CAPZB: variants seen among roughly 807,000 people sequenced by gnomAD.
The protein encoded by CAPZB is capping actin protein of muscle Z-line subunit beta.
In CAPZB, 2 loss-of-function variants were observed where a neutral mutation model predicts 38.1. That is an observed-to-expected ratio of 0.05 (90% confidence interval 0.02 to 0.17). CAPZB has a LOEUF of 0.17. Ranked by LOEUF, CAPZB falls within the 10% of genes least tolerant of loss-of-function variation. The probability of loss-of-function intolerance (pLI) is 1.00; values close to 1 mark genes in which losing one functional copy is unlikely to be tolerated. For synonymous variants in CAPZB, 107 were observed against 127.4 expected (o/e 0.84, Z 1.08); for missense variants, 161 against 334.2 (o/e 0.48, Z 4.04).
chr1:19,404,564 A>G (rs2094321299), intron 2 of CAPZB, among the ~76,000 whole-genome samples: 1 of 142,666 alleles, frequency 7.0e-6, no homozygotes, highest in Non-Finnish European at 1.5e-5. Flanking sequence ...AAAAAAAAAA[A>G]GAGGTAATGG....
intron 1 of CAPZB, among the ~76,000 whole-genome samples, chr1:19,476,517 G>A (rs1462233202): frequency 2.6e-5 from 4 of 152,218 alleles, no homozygotes; most frequent in Non-Finnish European, 5.9e-5. Context: ...ATAGGAAAAA[G>A]CCAAAGGATC....
chr1:19,481,291 T>G (rs1040760002), intron 1 of CAPZB, among the ~76,000 whole-genome samples: 1 of 152,174 alleles, frequency 6.6e-6, no homozygotes, highest in Admixed American at 6.5e-5. Flanking sequence ...GGTCCCAATA[T>G]GGGTGATCTT....
rs1414241792 is a variant in CAPZB at position 19,396,934 on chromosome 1, CAGAG to C, written c.94-11312_94-11309del. On this transcript the variant is annotated intron_variant, in intron 2 of 8. Coordinates refer to ENST00000264202, the MANE Select transcript of CAPZB (RefSeq NM_004930.5). ...CGCCACTACACTCCAGCCTGGGTGA[CAGAG>C]AGGACTCTGTCTCAAAAAATTAAAA... Among the ~76,000 whole-genome samples the C allele has an allele frequency of 4.0e-5, 6 of 151,784 alleles. No homozygotes were observed. In the South Asian group the frequency reaches 1.2e-3, roughly 32 times the overall value.
intron 1 of CAPZB, among the ~76,000 whole-genome samples, chr1:19,472,970 G>C (rs994056886): frequency 6.6e-6 from 1 of 152,014 alleles, no homozygotes; most frequent in Non-Finnish European, 1.5e-5. Context: ...GCCCGCCTCG[G>C]CCTCCCAAAG....
At chr1:19,463,932 C>G (rs533472064) in intron 1 of CAPZB, among the ~76,000 whole-genome samples, 191 of 151,232 alleles carry the variant, frequency 1.3e-3, no homozygotes, top group African/African-American at 4.5e-3. Flanking sequence ...GTAATCCCAA[C>G]ATTTTGGAAG....
At chr1:19,441,680 A>G (rs1225593977) in intron 1 of CAPZB, among the ~76,000 whole-genome samples, 3 of 100,422 alleles carry the variant, frequency 3.0e-5, no homozygotes, top group Non-Finnish European at 7.6e-5. Flanking sequence ...CAGACAGAGA[A>G]AAAAAAAAAA....
intron 4 of CAPZB, among the ~76,000 whole-genome samples, chr1:19,363,394 G>A (rs1389625845): frequency 6.6e-6 from 1 of 150,656 alleles, no homozygotes; most frequent in Non-Finnish European, 1.5e-5. Flanking sequence ...GTCCCTAAAC[G>A]TGGATCAGCT....
At chr1:19,419,031 T>G (rs1294577559) in intron 2 of CAPZB, among the ~76,000 whole-genome samples, 1 of 152,234 alleles carries the variant, frequency 6.6e-6, no homozygotes, top group East Asian at 1.9e-4. Context: ...TTCCAATATT[T>G]CCTATGGCTT....
chr1:19,423,876 C>T (rs527249001), intron 1 of CAPZB, among the ~76,000 whole-genome samples: 2 of 152,204 alleles, frequency 1.3e-5, no homozygotes, highest in Admixed American at 1.3e-4. Flanking sequence ...GGGGTTTCAC[C>T]ATGCTGCCCA....
chr1:19,473,199 G>A (rs554960764), intron 1 of CAPZB, among the ~76,000 whole-genome samples: 73 of 152,176 alleles, frequency 4.8e-4, no homozygotes, highest in African/African-American at 1.6e-3. Flanking sequence ...AGACTCCAGG[G>A]TGCCTGCGAG....
chr1:19,485,254 C>T (rs912909107), intron 1 of CAPZB, among the ~76,000 whole-genome samples, 182 bp downstream of exon 1: 2 of 151,990 alleles, frequency 1.3e-5, no homozygotes, highest in Non-Finnish European at 2.9e-5. Context: ...CACTGCCACC[C>T]AAGTCGTCCG....
intron 1 of CAPZB, among the ~76,000 whole-genome samples, chr1:19,440,655 A>G (rs1303003686): frequency 6.6e-6 from 1 of 152,216 alleles, no homozygotes; most frequent in Non-Finnish European, 1.5e-5. Context: ...TCCCCTGGGC[A>G]GAGTGACTCA....
At chr1:19,484,074 T>C (rs1209148255) in intron 1 of CAPZB, 7 of 1,077,466 alleles carry the variant, frequency 6.5e-6, no homozygotes, top group Non-Finnish European at 9.4e-6. Context: ...GGCAGGTCTA[T>C]CTGTGGGGGC....
intron 4 of CAPZB, among the ~76,000 whole-genome samples, chr1:19,360,588 G>A (rs1027013961): frequency 6.6e-6 from 1 of 152,216 alleles, no homozygotes; most frequent in African/African-American, 2.4e-5. Flanking sequence ...AGCCCTTGTC[G>A]ACACCCTCCG....
chr1:19,442,411 A>G (rs7524565), intron 1 of CAPZB, among the ~76,000 whole-genome samples: 149,797 of 152,240 alleles, frequency 0.98, 73,742 homozygotes, highest in East Asian at 1. Context: ...GCTGAAGTTG[A>G]GTGACAGATA....
At chr1:19,374,531 C>T (rs1351898036) in intron 4 of CAPZB, 1 of 152,386 alleles carries the variant, frequency 6.6e-6, no homozygotes, top group Non-Finnish European at 1.5e-5. Flanking sequence ...GCAGGCCAAG[C>T]TCTAGCTTGA....
At chr1:19,404,284 C>A (rs2094319288) in intron 2 of CAPZB, among the ~76,000 whole-genome samples, 1 of 146,250 alleles carries the variant, frequency 6.8e-6, no homozygotes, top group Non-Finnish European at 1.5e-5. Flanking sequence ...TGGCTCATGC[C>A]TGTAATCTCA....
Position 19,357,605 on chromosome 1 carries a change from C to T in CAPZB, c.330-42G>A. 6.2e-7 allele frequency: 1 copy of T among 1,608,114 alleles called. No homozygotes were observed. ...AATGTGCCTGTTAGATGCTAAAGGACAGATCATCAGCCTGGGTCCCAGGCT... is the reference window on the plus strand; with the variant it reads ...AATGTGCCTGTTAGATGCTAAAGGATAGATCATCAGCCTGGGTCCCAGGCT... On this transcript the variant is annotated intron_variant, in intron 4 of 8. Transcript: ENST00000264202. This position sits in a 1 kb window ranked among gnomAD's most constrained non-coding sequence, Gnocchi z 4.3.
chr1:19,396,797 A>G (rs1352463326), intron 2 of CAPZB, among the ~76,000 whole-genome samples: 1 of 151,696 alleles, frequency 6.6e-6, no homozygotes, highest in Admixed American at 6.6e-5. Context: ...AAAAAAAAAA[A>G]AAAAAAGAAA....
Sources: gnomAD v4.1 joint callset for allele counts (sites outside exome capture counted in the v4.1 genomes callset) on GRCh38, gnomAD v4.1.1 for gene constraint, Gnocchi (gnomAD v3.1) non-coding constraint, MANE v1.5 for transcripts, NCBI Gene and HGNC (gene_info 2026-07-23, HGNC 2026-07-21) for gene names.